C14orf39: variants seen among roughly 807,000 people sequenced by gnomAD.
C14orf39 encodes the protein protein SIX6OS1.
In C14orf39, 66 loss-of-function variants were observed where a neutral mutation model predicts 85.6. That is an observed-to-expected ratio of 0.77 (90% CI 0.63 to 0.95). The LOEUF is 0.95. C14orf39 is among the 40% of genes least tolerant of loss of function. C14orf39 has a pLI of 0.00. For synonymous variants in C14orf39, 242 were observed against 214.0 expected, an observed-to-expected ratio of 1.13 and a Z score of -1.14; for missense variants, 735 against 663.9, an observed-to-expected ratio of 1.11 and a Z score of -1.18.
intron 2 of C14orf39, among the ~76,000 whole-genome samples, chr14:60,492,779 T>A (rs1356380755): frequency 6.6e-6 from 1 of 151,880 alleles, no homozygotes; most frequent in Non-Finnish European, 1.5e-5. Context: ...CAAGACCCTG[T>A]CTCAAAAATA....
Position 60,458,690 on chromosome 14 carries a change from T to C in C14orf39, c.1167A>G (p.Lys389=), listed in dbSNP as rs900883851. The C allele has an allele frequency of 3.1e-6, 5 of 1,602,268 alleles. No individual in the cohort carries two copies. The highest frequency in any genetic ancestry group is 3.4e-6 in the Non-Finnish European group (4 of 1,173,606). The change falls in exon 14 of 18, where the codon AAA becomes AAG. Residue 389 remains lysine (K), a synonymous_variant. Coordinates refer to ENST00000321731, the MANE Select transcript of C14orf39 (RefSeq NM_174978.3). The part of the protein sequence containing the change: ...KGTVRQVRES[K]CTSQAIYTEH... Reference sequence around the variant, plus strand: ...ACATTTGACTTACTTGTGAAGTACATTTTGATTCTCTTACTTGTCTTACTG... The same window carrying C: ...ACATTTGACTTACTTGTGAAGTACACTTTGATTCTCTTACTTGTCTTACTG...
rs915807377 is a variant in C14orf39, at chr14:60,440,982, T to C, written c.1561+1092A>G. 4.6e-5 allele frequency among the ~76,000 whole-genome samples: 7 copies of C among 152,272 alleles called. 1 individual carries two copies. The highest frequency in any genetic ancestry group is 4.6e-4 in the Admixed American group (7 of 15,286). ...GGCAATCACCTTCCCAATCCAAGTA[T>C]TCCCTATTTCCCTTACTCTACATTA... On this transcript the variant is annotated intron_variant, in intron 17 of 17. Coordinates refer to ENST00000321731, the MANE Select transcript of C14orf39 (RefSeq NM_174978.3).
At chr14:60,465,905 A>C in intron 11 of C14orf39, 74 bp downstream of exon 11, 5 of 663,730 alleles carry the variant, frequency 7.5e-6, no homozygotes, top group South Asian at 2.4e-5. Flanking sequence ...TCTGTGTCTT[A>C]AGGGCAGTAC....
intron 11 of C14orf39, among the ~76,000 whole-genome samples, chr14:60,463,079 C>G (rs1336731250): frequency 3.3e-5 from 5 of 152,100 alleles, no homozygotes; most frequent in Non-Finnish European, 7.4e-5. Flanking sequence ...CCAAATTACA[C>G]TTCCACTATT....
chr14:60,485,421 A>T (rs1214923372), intron 1 of C14orf39, among the ~76,000 whole-genome samples: 2 of 152,222 alleles, frequency 1.3e-5, no homozygotes, highest in Admixed American at 1.3e-4. Flanking sequence ...TCTCCACAGG[A>T]TATGCCCTTT....
intron 16 of C14orf39, among the ~76,000 whole-genome samples, chr14:60,443,170 T>C (rs1890603107): frequency 6.6e-6 from 1 of 151,952 alleles, no homozygotes; most frequent in Non-Finnish European, 1.5e-5. Flanking sequence ...ATGGGACTGG[T>C]TGGACAGTGG....
intron 4 of C14orf39, among the ~76,000 whole-genome samples, chr14:60,481,073 T>C (rs1343997907): frequency 6.6e-6 from 1 of 152,156 alleles, no homozygotes; most frequent in African/African-American, 2.4e-5. Flanking sequence ...TTAAATAATA[T>C]ATATTTCGAA....
chr14:60,498,096 T>G (rs192004697), intron 2 of C14orf39, among the ~76,000 whole-genome samples: 133 of 134,156 alleles, frequency 9.9e-4, no homozygotes, highest in African/African-American at 3.3e-3. Context: ...TCAATTAAAT[T>G]TTCTTTGTTT....
At chr14:60,462,270 G>C (rs974806314) in intron 11 of C14orf39, among the ~76,000 whole-genome samples, 4 of 151,808 alleles carry the variant, frequency 2.6e-5, no homozygotes, top group Admixed American at 2.6e-4. Context: ...TGAGGGGAGA[G>C]GGGAAGGGAG....
intron 16 of C14orf39, among the ~76,000 whole-genome samples, chr14:60,448,953 G>A (rs140301945): frequency 6.6e-6 from 1 of 152,108 alleles, no homozygotes; most frequent in African/African-American, 2.4e-5. Context: ...ACCAAACACC[G>A]CATGTTCTCA....
intron 1 of C14orf39, among the ~76,000 whole-genome samples, chr14:60,504,060 T>G (rs1893176531): frequency 1.3e-5 from 2 of 152,202 alleles, no homozygotes; most frequent in African/African-American, 4.8e-5. Context: ...ACCCACTAGA[T>G]GCCAACTGAG....
chr14:60,492,610 A>T (rs1056987095), intron 2 of C14orf39, among the ~76,000 whole-genome samples: 1 of 150,726 alleles, frequency 6.6e-6, no homozygotes, highest in African/African-American at 2.5e-5. Context: ...TACCAAAAAA[A>T]AAAAATAATA....
intron 15 of C14orf39, 87 bp downstream of exon 15, chr14:60,456,830 G>A: frequency 8.6e-7 from 1 of 1,161,912 alleles, no homozygotes; most frequent in Non-Finnish European, 1.2e-6. Flanking sequence ...ACTTGTTAAA[G>A]GTACTAAGCA....
rs1892802875 is a variant in C14orf39 at position 60,484,782 on chromosome 14, A to G, written c.106+99T>C. 3.6e-6 allele frequency: 3 copies of G among 824,078 alleles called. No homozygotes were observed. Among genetic ancestry groups the G allele is most frequent in the Admixed American group, 3.0e-5 (1 of 33,676 alleles). The allele number at this position is 824,078 out of a possible 1,614,324, so 51.0% of individuals were successfully genotyped here. A position where few individuals can be genotyped will look rare whatever the true frequency, so the allele number is the denominator to read the frequency against. On this transcript the variant is annotated intron_variant, in intron 3 of 17. Coordinates refer to ENST00000321731, the MANE Select transcript of C14orf39 (RefSeq NM_174978.3). This position sits in a 1 kb window ranked among gnomAD's most constrained non-coding sequence, Gnocchi z 4.2. Reference sequence around the variant, plus strand: ...GCTAGAGAGAACTGACACAAAAGTTATAACGCCAACAATAAGTTGCCCTAA... The same window carrying G: ...GCTAGAGAGAACTGACACAAAAGTTGTAACGCCAACAATAAGTTGCCCTAA...
intron 2 of C14orf39, among the ~76,000 whole-genome samples, chr14:60,498,978 G>A (rs1893103919): frequency 2.0e-5 from 3 of 152,164 alleles, no homozygotes; most frequent in Admixed American, 1.3e-4. Context: ...TTACTGAAGG[G>A]CCGGGCACGG....
intron 10 of C14orf39, 105 bp downstream of exon 10, chr14:60,466,812 T>G: frequency 1.2e-6 from 1 of 834,818 alleles, no homozygotes; most frequent in Non-Finnish European, 1.7e-6. Context: ...AGGTCTCCAG[T>G]ATTGTTTTTA....
intron 16 of C14orf39, among the ~76,000 whole-genome samples, chr14:60,445,809 G>C (rs1484225900): frequency 2.6e-5 from 4 of 152,070 alleles, no homozygotes; most frequent in Non-Finnish European, 5.9e-5. Context: ...CACATAATTG[G>C]AAGTAAAACA....
intron 4 of C14orf39, among the ~76,000 whole-genome samples, chr14:60,480,372 T>C (rs1892579783): frequency 6.6e-6 from 1 of 151,986 alleles, no homozygotes; most frequent in Admixed American, 6.6e-5. Context: ...GAGGTCGCAG[T>C]GAGTGAGATC....
At chr14:60,483,843 T>C (rs1347761589) in intron 3 of C14orf39, 26 bp from the exon 4 acceptor site, 1 of 1,427,342 alleles carries the variant, frequency 7.0e-7, no homozygotes, top group Non-Finnish European at 9.6e-7. Flanking sequence ...GTTTATTTTC[T>C]TAATGTAGAA....
Sources: allele counts gnomAD v4.1 joint callset (sites outside exome capture counted in the v4.1 genomes callset), GRCh38; gene constraint gnomAD v4.1.1; non-coding constraint Gnocchi (gnomAD v3.1); transcripts MANE v1.5; gene names NCBI Gene and HGNC (gene_info 2026-07-23, HGNC 2026-07-21).